The following NRXN3 variants were observed in gnomAD, a reference collection of about 807,000 sequenced individuals.
The protein encoded by NRXN3 is neurexin 3.
A neutral mutation model predicts 137.6 loss-of-function variants in NRXN3; 32 were observed. The ratio of observed to expected loss-of-function variants is 0.23; its 90% CI spans 0.18 to 0.31. NRXN3 has a LOEUF of 0.31. Ranked by LOEUF, NRXN3 falls within the 10% of genes least tolerant of loss-of-function variation. The pLI, the probability that NRXN3 is intolerant of heterozygous loss-of-function variation, is 1.00. For missense variants in NRXN3, 1,574 were observed against 2,062.5 expected (o/e 0.76, Z 4.59); for synonymous variants, 798 against 784.5 (o/e 1.02, Z -0.29).
intron 19 of NRXN3, among the ~76,000 whole-genome samples, chr14:79,749,687 C>T (rs1202960326): frequency 1.3e-5 from 2 of 152,112 alleles, no homozygotes; most frequent in Non-Finnish European, 2.9e-5. Flanking sequence ...TCTGGGAAGC[C>T]TTTGTCACCC....
At chr14:78,963,657 T>A (rs1430483222) in intron 11 of NRXN3, among the ~76,000 whole-genome samples, 1 of 152,256 alleles carries the variant, frequency 6.6e-6, no homozygotes, top group African/African-American at 2.4e-5. Context: ...TGCATTTTGA[T>A]TTTTATATTT....
At chr14:78,831,805 T>C (rs2152405177) in intron 10 of NRXN3, among the ~76,000 whole-genome samples, 1 of 152,264 alleles carries the variant, frequency 6.6e-6, no homozygotes, top group South Asian at 2.1e-4. Flanking sequence ...TTCTGTCTCA[T>C]TCTTTGCCTT....
chr14:78,993,791 G>A (rs1567928795), intron 15 of NRXN3, among the ~76,000 whole-genome samples: 2 of 148,474 alleles, frequency 1.3e-5, no homozygotes, highest in African/African-American at 4.9e-5. Context: ...TCTATGAAGA[G>A]CAGCTGCTTT....
chr14:79,041,196 G>T (rs1249156640), intron 15 of NRXN3, among the ~76,000 whole-genome samples: 2 of 152,102 alleles, frequency 1.3e-5, no homozygotes, highest in East Asian at 3.9e-4. Context: ...GCACATTATT[G>T]TCACTGTTTC....
chr14:79,625,708 C>T (rs546151535), intron 16 of NRXN3, among the ~76,000 whole-genome samples: 1 of 152,332 alleles, frequency 6.6e-6, no homozygotes, highest in South Asian at 2.1e-4. Context: ...CTCCAGATTA[C>T]CTTTTCTCCC....
At chr14:79,131,649 C>T (rs2057496899) in intron 15 of NRXN3, among the ~76,000 whole-genome samples, 1 of 152,210 alleles carries the variant, frequency 6.6e-6, no homozygotes, top group Non-Finnish European at 1.5e-5. Context: ...GTGCCCTGCC[C>T]CCAGAGGTGG....
intron 16 of NRXN3, among the ~76,000 whole-genome samples, chr14:79,518,097 G>T (rs975573927): frequency 2.6e-5 from 4 of 151,256 alleles, no homozygotes; most frequent in Non-Finnish European, 4.4e-5. Flanking sequence ...CAGAGACAGG[G>T]TTTCATCATG....
At chr14:78,764,768 C>T (rs930403943) in intron 8 of NRXN3, among the ~76,000 whole-genome samples, 2 of 152,052 alleles carry the variant, frequency 1.3e-5, no homozygotes, top group African/African-American at 4.8e-5. Flanking sequence ...GAAAAAGAGA[C>T]AGTGATTAGA....
At chr14:78,506,751 C>T (rs1385494411) in intron 4 of NRXN3, among the ~76,000 whole-genome samples, 1 of 149,398 alleles carries the variant, frequency 6.7e-6, no homozygotes, top group African/African-American at 2.5e-5. Context: ...CATGCTACAG[C>T]CCTAAATTCC....
chr14:78,280,387 G>A (rs1332911454), intron 3 of NRXN3, among the ~76,000 whole-genome samples: 1 of 152,208 alleles, frequency 6.6e-6, no homozygotes, highest in Non-Finnish European at 1.5e-5. Context: ...GAAAATTGAA[G>A]CAGGATAGAG....
chr14:78,967,810 C>T (rs955909961), intron 13 of NRXN3, among the ~76,000 whole-genome samples: 8 of 152,106 alleles, frequency 5.3e-5, no homozygotes, highest in Non-Finnish European at 1.2e-4. Flanking sequence ...TTGTTAGTTT[C>T]TGTATAGGTC....
rs1356961708 is a variant in NRXN3 at position 79,574,054 on chromosome 14, C to G, written c.3445-89724C>G. Among the ~76,000 whole-genome samples the G allele has an allele frequency of 2.6e-5, 4 of 151,940 alleles. No homozygotes were observed. The East Asian group carries it at 7.7e-4, about 29-fold the overall frequency. On this transcript the variant is annotated intron_variant, in intron 16 of 20. Transcript: ENST00000335750. ...CATTTCATATTATATTAAGGAAAAA[C>G]ATAAAAGCAATCTTGATGTTAAGTA...
chr14:79,019,437 A>G (rs2099585020), intron 15 of NRXN3, among the ~76,000 whole-genome samples: 3 of 152,214 alleles, frequency 2.0e-5, no homozygotes, highest in African/African-American at 7.2e-5. Context: ...ATATTATATC[A>G]TGAAAGATAG....
At chr14:78,613,139 C>G (rs2097314294) in intron 4 of NRXN3, among the ~76,000 whole-genome samples, 2 of 151,690 alleles carry the variant, frequency 1.3e-5, no homozygotes. Flanking sequence ...TATTGTCCCT[C>G]TGACTCCTTT....
chr14:78,458,113 C>G (rs1287932071), intron 4 of NRXN3, among the ~76,000 whole-genome samples: 1 of 152,164 alleles, frequency 6.6e-6, no homozygotes, highest in African/African-American at 2.4e-5. Flanking sequence ...CCTGGAATGT[C>G]TCTGGGGAAG....
chr14:79,468,668 C>T (rs536787250), intron 16 of NRXN3, among the ~76,000 whole-genome samples: 1 of 152,278 alleles, frequency 6.6e-6, no homozygotes, highest in South Asian at 2.1e-4. Flanking sequence ...AGCCCAGCTC[C>T]CACAGCAGTG....
At chr14:79,477,661 A>G (rs531480204) in intron 16 of NRXN3, among the ~76,000 whole-genome samples, 1 of 152,242 alleles carries the variant, frequency 6.6e-6, no homozygotes, top group South Asian at 2.1e-4. Context: ...CCAGCACTTA[A>G]TTTTTAGGGA....
intron 4 of NRXN3, among the ~76,000 whole-genome samples, chr14:78,364,954 T>C (rs1049053713): frequency 1.3e-5 from 2 of 152,208 alleles, no homozygotes; most frequent in African/African-American, 2.4e-5. Context: ...ATTTGAAATA[T>C]AAATTTGTTT....
intron 10 of NRXN3, among the ~76,000 whole-genome samples, chr14:78,849,870 T>C (rs1464756579): frequency 1.3e-5 from 2 of 152,114 alleles, no homozygotes; most frequent in Non-Finnish European, 2.9e-5. Flanking sequence ...AAGTGGAATT[T>C]ACCCCATCTA....
Sources: allele counts gnomAD v4.1 joint callset (sites outside exome capture counted in the v4.1 genomes callset), GRCh38; gene constraint gnomAD v4.1.1; transcripts MANE v1.5; gene names NCBI Gene and HGNC (gene_info 2026-07-23, HGNC 2026-07-21).